Variants in ADRA1A observed in about 807,000 individuals in gnomAD.
ADRA1A encodes the protein alpha-1A adrenergic receptor.
ADRA1A carries 31 observed loss-of-function variants against 29.6 expected under a neutral mutation model. That is an observed-to-expected ratio of 1.05 (90% CI 0.79 to 1.41). The LOEUF (loss-of-function observed/expected upper bound fraction) is 1.41, where lower values mean the gene tolerates loss of function less well. Among genes scored for constraint, ADRA1A ranks in the 40% most tolerant of loss-of-function variants. The pLI is 0.00. For missense variants in ADRA1A, 619 were observed against 601.1 expected (o/e 1.03, Z -0.31); for synonymous variants, 311 against 254.3 (o/e 1.22, Z -2.12).
chr8:26,822,429 C>A (rs747608244), intron 2 of ADRA1A, among the ~76,000 whole-genome samples: 3 of 152,208 alleles, frequency 2.0e-5, no homozygotes, highest in Non-Finnish European at 4.4e-5. Context: ...GGAAGTGAAG[C>A]TTTTCATTTA....
At chr8:26,794,284 C>T (rs1438325657) in intron 2 of ADRA1A, among the ~76,000 whole-genome samples, 3 of 152,024 alleles carry the variant, frequency 2.0e-5, no homozygotes, top group South Asian at 4.1e-4. Context: ...GCAACTTTAT[C>T]TGTCTCTTCA....
At chr8:26,777,509 G>A (rs1476999605) in intron 2 of ADRA1A, among the ~76,000 whole-genome samples, 1 of 152,200 alleles carries the variant, frequency 6.6e-6, no homozygotes, top group Non-Finnish European at 1.5e-5. Flanking sequence ...AACAGAGCAA[G>A]CAGATGTGAT....
chr8:26,839,158 T>C (rs1416292492), intron 2 of ADRA1A, among the ~76,000 whole-genome samples: 1 of 10,812 alleles, frequency 9.2e-5, no homozygotes, highest in Non-Finnish European at 2.4e-4. Flanking sequence ...CTGTGAAGAA[T>C]TTTTTTTTTT....
rs1810502726 is a variant in ADRA1A, at chr8:26,825,638, T to A, written c.883+38449A>T. Reference sequence around the variant, plus strand: ...TCCTCCAAAAAGTCTTTTTCAACTATGTCAGCCTTCACAGAGCAACTGTCA... The same window carrying A: ...TCCTCCAAAAAGTCTTTTTCAACTAAGTCAGCCTTCACAGAGCAACTGTCA... On this transcript the variant is annotated intron_variant, in intron 2 of 2. Coordinates refer to ENST00000380573, the MANE Select transcript of ADRA1A (RefSeq NM_000680.4). The surrounding 1 kb of genome is among the most constrained non-coding windows in gnomAD (Gnocchi z 5.7). Among the ~76,000 whole-genome samples the A allele has an allele frequency of 6.6e-6, 1 of 152,216 alleles. No individual in the cohort carries two copies. The highest frequency in any genetic ancestry group is 2.1e-4 in the South Asian group (1 of 4,828).
chr8:26,772,418 T>C (rs1428780511), intron 2 of ADRA1A, among the ~76,000 whole-genome samples: 1 of 152,236 alleles, frequency 6.6e-6, no homozygotes, highest in Non-Finnish European at 1.5e-5. Context: ...CTTTTCTTTC[T>C]TGGCTCCCAA....
At chr8:26,861,111 C>A (rs191561350) in intron 2 of ADRA1A, among the ~76,000 whole-genome samples, 7 of 152,266 alleles carry the variant, frequency 4.6e-5, no homozygotes, top group Admixed American at 3.9e-4. Context: ...CTAGTGTTGG[C>A]TCCCAGTCCT....
rs142931409 is a variant in ADRA1A at position 26,780,412 on chromosome 8, T to A, written c.884-9746A>T. On this transcript the variant is annotated intron_variant, in intron 2 of 2. Coordinates refer to ENST00000380573, the MANE Select transcript of ADRA1A (RefSeq NM_000680.4). Reference sequence around the variant, plus strand: ...GTTAGTTCACGAGGTGACTGTGACCTCAGCTCCTGTGGCTGTTTTCTGCTG... The same window carrying A: ...GTTAGTTCACGAGGTGACTGTGACCACAGCTCCTGTGGCTGTTTTCTGCTG... 2.4e-3 allele frequency among the ~76,000 whole-genome samples: 367 copies of A among 152,298 alleles called. 1 individual carries two copies. Among genetic ancestry groups the A allele is most frequent in the African/African-American group, 8.3e-3 (347 of 41,570 alleles).
In ADRA1A at chr8:26,787,704, C is replaced by T. The variant is rs1043362133; in HGVS notation, c.884-17038G>A. On this transcript the variant is annotated intron_variant, in intron 2 of 2. Transcript: ENST00000380573. This position sits in a 1 kb window ranked among gnomAD's most constrained non-coding sequence, Gnocchi z 4.2. Reference sequence around the variant, plus strand: ...TACTTGTTCCCCAGGGAGGAAATCCCGACAGCTCACTTGGTAGTTCAGGGA... The same window carrying T: ...TACTTGTTCCCCAGGGAGGAAATCCTGACAGCTCACTTGGTAGTTCAGGGA... Among the ~76,000 whole-genome samples, 4 of 151,880 alleles carry T rather than the reference C, an allele frequency of 2.6e-5. No homozygotes were observed. The highest frequency in any genetic ancestry group is 9.7e-5 in the African/African-American group (4 of 41,336).
At chr8:26,758,108 G>T (rs1390172819) in intron 2 of ADRA1A, among the ~76,000 whole-genome samples, 1 of 152,126 alleles carries the variant, frequency 6.6e-6, no homozygotes, top group East Asian at 1.9e-4. Context: ...TTTCCAGGTG[G>T]GGATATTTCC....
chr8:26,820,202 C>T (rs1810058000), intron 2 of ADRA1A, among the ~76,000 whole-genome samples: 1 of 152,142 alleles, frequency 6.6e-6, no homozygotes, highest in Non-Finnish European at 1.5e-5. Context: ...GATGAAAAAT[C>T]AATAAAGAAA....
At chr8:26,838,292 A>G (rs1367521070) in intron 2 of ADRA1A, among the ~76,000 whole-genome samples, 1 of 152,176 alleles carries the variant, frequency 6.6e-6, no homozygotes, top group Non-Finnish European at 1.5e-5. Context: ...ATGAATCTAT[A>G]TCTGAAGAAG....
chr8:26,771,259 G>A (rs1369492519), intron 2 of ADRA1A, among the ~76,000 whole-genome samples: 1 of 152,044 alleles, frequency 6.6e-6, no homozygotes, highest in Non-Finnish European at 1.5e-5. Context: ...GTCACCGTTA[G>A]CTCCCTTTGT....
chr8:26,801,872 C>G (rs1171410491), intron 2 of ADRA1A, among the ~76,000 whole-genome samples: 1 of 152,158 alleles, frequency 6.6e-6, no homozygotes, highest in African/African-American at 2.4e-5. Flanking sequence ...ACCATAACAA[C>G]ATGGTACCGG....
exon 3 of ADRA1A, chr8:26,756,610 G>A (rs2130176263): frequency 6.4e-7 from 1 of 1,561,332 alleles, no homozygotes; most frequent in Non-Finnish European, 8.7e-7. Flanking sequence ...TCAGATGGAT[G>A]CTTGATAAAG....
chr8:26,751,001 G>A (rs188727632), intron 2 of ADRA1A, among the ~76,000 whole-genome samples: 9 of 152,080 alleles, frequency 5.9e-5, no homozygotes, highest in Admixed American at 2.6e-4. Context: ...CCCAGGAGGC[G>A]GAGGTTGTGG....
chr8:26,860,762 CA>C lies in ADRA1A; in HGVS notation c.883+3324del, dbSNP rs1186139264. The stretch of plus-strand genomic sequence containing the variant: ...ACACTTTGCTCTCCTTGTCACTTCC[CA>C]ATGCTCCCCTTGGGCACTGAATCCC... On this transcript the variant is annotated intron_variant, in intron 2 of 2. Coordinates refer to ENST00000380573, the MANE Select transcript of ADRA1A (RefSeq NM_000680.4). The surrounding 1 kb of genome is among the most constrained non-coding windows in gnomAD (Gnocchi z 4.7). Among the ~76,000 whole-genome samples, 1 of 152,086 alleles carries C rather than the reference CA, an allele frequency of 6.6e-6. No homozygotes were observed.
At chr8:26,765,973 G>T, downstream of ADRA1A, 1 of 968,334 alleles carries the variant, frequency 1.0e-6, no homozygotes, top group Non-Finnish European at 1.4e-6. Flanking sequence ...AGGAACAAGC[G>T]ATGTCACATA....
At chr8:26,822,348 T>C (rs2130601356) in intron 2 of ADRA1A, among the ~76,000 whole-genome samples, 1 of 152,262 alleles carries the variant, frequency 6.6e-6, no homozygotes, top group South Asian at 2.1e-4. Flanking sequence ...GTCTGAGGGC[T>C]AAAAGGGATT....
chr8:26,800,412 G>A lies in ADRA1A; in HGVS notation c.884-29746C>T, dbSNP rs116457366. Among the ~76,000 whole-genome samples, 359 of 152,260 alleles carry A rather than the reference G, an allele frequency of 2.4e-3. 2 individuals are homozygous for A. The highest frequency in any genetic ancestry group is 8.4e-3 in the African/African-American group (348 of 41,552). The stretch of plus-strand genomic sequence containing the variant: ...AACAGTATAAAAATAATTCAATGGA[G>A]GAAGGTAGCTCAATGGGGGAAAGTC... On this transcript the variant is annotated intron_variant, in intron 2 of 2. Transcript: ENST00000380573.
Sources: gnomAD v4.1 joint callset for allele counts (sites outside exome capture counted in the v4.1 genomes callset) on GRCh38, gnomAD v4.1.1 for gene constraint, Gnocchi (gnomAD v3.1) non-coding constraint, MANE v1.5 for transcripts, NCBI Gene and HGNC (gene_info 2026-07-23, HGNC 2026-07-21) for gene names.